The following JAK2 variants were observed in gnomAD, a reference collection of about 807,000 sequenced individuals.
JAK2 encodes Janus kinase 2, also known as tyrosine-protein kinase JAK2.
In JAK2, 86 loss-of-function variants were observed where a neutral mutation model predicts 139.3. That is an observed-to-expected ratio of 0.62 (90% CI 0.52 to 0.74). The LOEUF (loss-of-function observed/expected upper bound fraction) is 0.74, where lower values mean the gene tolerates loss of function less well. Among genes scored for constraint, JAK2 ranks in the 30% least tolerant of loss-of-function variants. The pLI is 0.00. For missense variants in JAK2, 1,421 were observed against 1,360.3 expected (o/e 1.04, Z -0.70); for synonymous variants, 490 against 437.7 (o/e 1.12, Z -1.49).
At position 4,994,334 on chromosome 9, in the gene JAK2, C is replaced by A. The variant is rs145805168; in HGVS notation, c.-26+8312C>A. Reference sequence around the variant, plus strand: ...TAACTGTACTAGAACTGTTTCCTAACCCACTGGTTCTTATCAGAATTACCT... The same window carrying A: ...TAACTGTACTAGAACTGTTTCCTAAACCACTGGTTCTTATCAGAATTACCT... On this transcript the variant is annotated intron_variant, in intron 2 of 24. Transcript: ENST00000381652. Among the ~76,000 whole-genome samples the A allele has an allele frequency of 2.2e-4, 33 of 152,274 alleles. No individual in the cohort carries two copies. In the East Asian group the frequency reaches 6.2e-3, roughly 29 times the overall value.
intron 2 of JAK2, among the ~76,000 whole-genome samples, chr9:5,010,612 G>T (rs908511985): frequency 6.6e-6 from 1 of 152,156 alleles, no homozygotes. Context: ...GGGCCACCAC[G>T]CCTGGCTGTC....
rs1006539077 is a variant in JAK2 at position 5,002,820 on chromosome 9, A to G, written c.-26+16798A>G. 3.3e-5 allele frequency among the ~76,000 whole-genome samples: 5 copies of G among 152,074 alleles called. No homozygotes were observed. In the East Asian group the frequency reaches 9.6e-4, roughly 29 times the overall value. ...TGTGCATATATATTTAAGAAGAGTA[A>G]TTTATAAATCTTCTATGATTAGTGT... On this transcript the variant is annotated intron_variant, in intron 2 of 24. Transcript: ENST00000381652.
chr9:5,075,419 G>GGCCAATGCCATTGGTGATT (rs1432969093), intron 14 of JAK2, among the ~76,000 whole-genome samples: 1 of 152,130 alleles, frequency 6.6e-6, no homozygotes, highest in Non-Finnish European at 1.5e-5. Context: ...TCTTGCTAAG[G>GGCCAATGCCATTGGTGATT]GCCAATGCCA....
chr9:5,050,946 C>T (rs890785857), intron 6 of JAK2, 115 bp downstream of exon 6: 8 of 843,590 alleles, frequency 9.5e-6, no homozygotes, highest in Admixed American at 8.6e-5. Context: ...GTTAAGTACT[C>T]CTTATCTAAA....
chr9:5,051,967 GA>G (rs528603137), intron 6 of JAK2, among the ~76,000 whole-genome samples: 31 of 145,226 alleles, frequency 2.1e-4, no homozygotes, highest in South Asian at 4.4e-4. Context: ...AAGCCCAAAG[GA>G]AAAAAAAAAC....
At chr9:5,029,470 G>C (rs891236764) in intron 3 of JAK2, among the ~76,000 whole-genome samples, 1 of 152,158 alleles carries the variant, frequency 6.6e-6, no homozygotes, top group Non-Finnish European at 1.5e-5. Flanking sequence ...AGCACGTGCT[G>C]TTGGAAAAAT....
chr9:5,076,129 C>A (rs1819292107), intron 14 of JAK2, among the ~76,000 whole-genome samples: 1 of 152,110 alleles, frequency 6.6e-6, no homozygotes, highest in African/African-American at 2.4e-5. Context: ...TATGGATAAG[C>A]AGAGAAAGTG....
chr9:4,984,499 C>T (rs536593836), upstream of JAK2: 26 of 152,438 alleles, frequency 1.7e-4, no homozygotes, highest in Admixed American at 1.6e-3. Context: ...CTTCATCCCA[C>T]CCTCACCCCT....
intron 2 of JAK2, among the ~76,000 whole-genome samples, chr9:5,007,531 G>A (rs962532898): frequency 6.6e-6 from 1 of 151,824 alleles, no homozygotes. Flanking sequence ...TTTTGTTGAG[G>A]TATTAAGAAT....
In JAK2 at chr9:5,077,456, T is replaced by G; in HGVS notation, c.1868T>G (p.Ile623Ser). 1 of 1,104,068 alleles carries G rather than the reference T, an allele frequency of 9.1e-7. No individual in the cohort carries two copies. The highest frequency in any genetic ancestry group is 1.2e-6 in the Non-Finnish European group (1 of 808,556). The allele number at this position is 1,104,068 out of a possible 1,614,324, so 68.4% of individuals were successfully genotyped here. Residue 623 changes from isoleucine (I) to serine (S), a missense_variant, in exon 15 of 25, where the codon ATT becomes AGT. Physicochemically the swap from Ile to Ser is moderately radical, Grantham distance 142. Transcript: ENST00000381652. ...TATTACTTATATTTTAATGCAGATA[T>G]TCTGGTTCAGGAGTTTGTAAAATTT... ...YGVCVCGDENILVQEFVKFGS... is the reference protein window; with the variant it reads ...YGVCVCGDENSLVQEFVKFGS...
At chr9:5,022,542 A>G (rs967686155) in intron 3 of JAK2, among the ~76,000 whole-genome samples, 3 of 152,210 alleles carry the variant, frequency 2.0e-5, no homozygotes, top group Non-Finnish European at 2.9e-5. Flanking sequence ...AGCAACATGA[A>G]AGCAAAAAAT....
chr9:5,013,574 G>A (rs1821845068), intron 2 of JAK2, among the ~76,000 whole-genome samples: 1 of 152,148 alleles, frequency 6.6e-6, no homozygotes, highest in Admixed American at 6.5e-5. Flanking sequence ...TTTGTTCCAG[G>A]AACATGCTGT....
chr9:5,084,346 C>T (rs548071018), intron 19 of JAK2, among the ~76,000 whole-genome samples: 2 of 152,182 alleles, frequency 1.3e-5, no homozygotes, highest in South Asian at 2.1e-4. Context: ...GATATTTGTA[C>T]TGCCTTACTG....
At position 5,129,090 on chromosome 9, in the gene JAK2, A is replaced by T. The variant is rs1209083121; in HGVS notation, c.*2299A>T. The stretch of plus-strand genomic sequence containing the variant: ...AGGCTTCTAGTTTACAGTCAAGTGT[A>T]ATTTTCATCACAACTATAACTTCTG... On this transcript the variant is annotated 3_prime_UTR_variant, in exon 25 of 25. Transcript: ENST00000381652. Among the ~76,000 whole-genome samples, 1 of 152,026 alleles carries T rather than the reference A, an allele frequency of 6.6e-6. No individual in the cohort carries two copies. Among genetic ancestry groups the T allele is most frequent in the Admixed American group, 6.6e-5 (1 of 15,264 alleles).
At chr9:5,061,077 A>G (rs1818138650) in intron 8 of JAK2, among the ~76,000 whole-genome samples, 1 of 152,232 alleles carries the variant, frequency 6.6e-6, no homozygotes, top group Non-Finnish European at 1.5e-5. Flanking sequence ...GGCTTAAAAT[A>G]GTCAGTAAAC....
rs2130410745 is a variant in JAK2 at position 5,054,780 on chromosome 9, G to A, written c.832G>A (p.Gly278Ser). 2 of 1,612,572 alleles carry A rather than the reference G, an allele frequency of 1.2e-6. No individual in the cohort carries two copies. Among genetic ancestry groups the A allele is most frequent in the Non-Finnish European group, 1.7e-6 (2 of 1,178,810 alleles). Residue 278 changes from glycine to serine, a missense_variant, in exon 7 of 25, where the codon GGT becomes AGT. Physicochemically the swap from Gly to Ser is moderately conservative, Grantham distance 56. Transcript: ENST00000381652. The surrounding 1 kb of genome is among the most constrained non-coding windows in gnomAD (Gnocchi z 4.9). The part of the protein sequence containing the change: ...EKFEVKEPGS[G>S]PSGEEIFATI... The stretch of plus-strand genomic sequence containing the variant: ...ATTTGAAGTAAAAGAACCTGGAAGT[G>A]GTCCTTCAGGTGAGGAGATTTTTGC...
At chr9:5,111,807 C>G (rs541613874) in intron 22 of JAK2, 4 of 422,042 alleles carry the variant, frequency 9.5e-6, no homozygotes, top group Admixed American at 8.1e-5. Flanking sequence ...CCCGGAGCCA[C>G]GTAGGCGGCG....
At chr9:5,032,476 C>A (rs1490689592) in intron 4 of JAK2, among the ~76,000 whole-genome samples, 1 of 152,196 alleles carries the variant, frequency 6.6e-6, no homozygotes, top group Non-Finnish European at 1.5e-5. Context: ...CCCCGAGTAG[C>A]CTAACTGGGA....
intron 10 of JAK2, among the ~76,000 whole-genome samples, chr9:5,067,942 A>G (rs958646113): frequency 2.0e-5 from 3 of 152,120 alleles, no homozygotes; most frequent in African/African-American, 7.2e-5. Flanking sequence ...TCACGAGGTC[A>G]AGAGATTGAG....
Sources: gnomAD v4.1 joint callset for allele counts (sites outside exome capture counted in the v4.1 genomes callset) on GRCh38, gnomAD v4.1.1 for gene constraint, Gnocchi (gnomAD v3.1) non-coding constraint, MANE v1.5 for transcripts, NCBI Gene and HGNC (gene_info 2026-07-23, HGNC 2026-07-21) for gene names.